The following KLHL13 variants were observed in gnomAD, a reference collection of about 807,000 sequenced individuals.
KLHL13 encodes the protein kelch like family member 13.
Under a neutral mutation model 37.1 loss-of-function variants are expected in KLHL13, and 10 were observed. The observed-to-expected ratio is 0.27, with a 90% CI of 0.17 to 0.46. KLHL13 has a LOEUF of 0.46. Among genes scored for constraint, KLHL13 ranks in the 20% least tolerant of loss-of-function variants. The pLI is 1.00. For missense variants in KLHL13, 360 were observed against 509.3 expected (o/e 0.71, Z 2.82); for synonymous variants, 163 against 181.2 (o/e 0.90, Z 0.81).
At chrX:118,078,547 G>A (rs1317267813) in intron 1 of KLHL13, among the ~76,000 whole-genome samples, 1 of 111,234 alleles carries the variant, frequency 9.0e-6, no homozygotes, top group Non-Finnish European at 1.9e-5. Flanking sequence ...TAGTTGATTA[G>A]CATTAACGCC....
intron 1 of KLHL13, chrX:117,947,331 A>T (rs903312572): frequency 8.9e-5 from 10 of 112,050 alleles, no homozygotes; most frequent in Non-Finnish European, 1.9e-4. Flanking sequence ...AGCACGAAAG[A>T]CTTAATATAT....
At chrX:117,973,557 T>C (rs2053558285) in exon 1 of KLHL13, 1 of 889,001 alleles carries the variant, frequency 1.1e-6, no homozygotes, top group Non-Finnish European at 1.4e-6. Flanking sequence ...GTAAGAAGAA[T>C]ATAAACTGCT....
chrX:117,979,303 G>C (rs1272974305), intron 1 of KLHL13, among the ~76,000 whole-genome samples: 1 of 111,689 alleles, frequency 9.0e-6, no homozygotes. Flanking sequence ...TTTTTAAATT[G>C]TTTGGTAAGA....
chrX:118,031,821 C>G (rs2054353122), intron 1 of KLHL13, among the ~76,000 whole-genome samples: 1 of 108,176 alleles, frequency 9.2e-6, no homozygotes, highest in Non-Finnish European at 1.9e-5. Flanking sequence ...GCATTTCCAT[C>G]TGAGGTACCG....
upstream of KLHL13, among the ~76,000 whole-genome samples, chrX:117,978,383 A>C (rs2053617822): frequency 9.0e-6 from 1 of 111,721 alleles, no homozygotes; most frequent in Admixed American, 9.5e-5. Flanking sequence ...TTGGGCAGAG[A>C]AAAAACAGCA....
intron 1 of KLHL13, among the ~76,000 whole-genome samples, chrX:118,062,379 T>C (rs2054751799): frequency 9.0e-6 from 1 of 110,910 alleles, no homozygotes. Context: ...TTATTTATTC[T>C]AACATTTTTA....
Position 117,919,734 on chromosome X carries a change from T to C in KLHL13, c.374-17A>G, listed in dbSNP as rs371109643. 177 of 1,109,825 alleles carry C rather than the reference T, an allele frequency of 1.6e-4. No homozygotes were observed. In the African/African-American group the frequency reaches 2.7e-3, roughly 17 times the overall value. The allele number at this position is 1,109,825 out of a possible 1,213,427, so 91.5% of individuals were successfully genotyped here. ...TCATTCCACCTTAAATAAAAAGACATTCAATTAAATGAAGGTGGATAATTA... is the reference window on the plus strand; with the variant it reads ...TCATTCCACCTTAAATAAAAAGACACTCAATTAAATGAAGGTGGATAATTA... On this transcript the variant is annotated splice_polypyrimidine_tract_variant and intron_variant, in intron 3 of 6. Coordinates refer to ENST00000262820, the Ensembl canonical transcript of KLHL13.
rs747948925 is a variant in KLHL13 at position 118,096,781 on chromosome X, A to G, written c.-56+19727T>C. Among the ~76,000 whole-genome samples the G allele has an allele frequency of 2.9e-3, 325 of 112,039 alleles. 4 individuals are homozygous for G. The highest frequency in any genetic ancestry group is 0.01 in the African/African-American group (310 of 30,855). ...ATGCAAGGCTGGTTCAATATACGCAAATCAATAAACGTAATCCAGCATATA... is the reference window on the plus strand; with the variant it reads ...ATGCAAGGCTGGTTCAATATACGCAGATCAATAAACGTAATCCAGCATATA... On this transcript the variant is annotated intron_variant, in intron 1 of 6. Transcript: ENST00000371882.
intron 1 of KLHL13, chrX:117,985,181 G>C (rs1277451031): frequency 4.7e-6 from 4 of 845,403 alleles, no homozygotes; most frequent in Admixed American, 3.0e-5. Flanking sequence ...GAAATAACAG[G>C]CTTGCTATTT....
At chrX:117,990,010 C>T (rs1471834453) in intron 1 of KLHL13, among the ~76,000 whole-genome samples, 1 of 111,210 alleles carries the variant, frequency 9.0e-6, no homozygotes, top group Non-Finnish European at 1.9e-5. Flanking sequence ...TTATAGGAGG[C>T]GATTTTGGTG....
intron 1 of KLHL13, among the ~76,000 whole-genome samples, chrX:118,011,449 G>C (rs1259717172): frequency 9.2e-6 from 1 of 108,733 alleles, no homozygotes; most frequent in East Asian, 2.9e-4. Context: ...AAACTGTCAG[G>C]GGAGAAGGGG....
At chrX:118,062,094 T>C (rs2054748875) in intron 1 of KLHL13, among the ~76,000 whole-genome samples, 1 of 111,231 alleles carries the variant, frequency 9.0e-6, no homozygotes, top group African/African-American at 3.3e-5. Context: ...TCAAGGTCTT[T>C]TGAGGCACCA....
chrX:118,008,409 C>T (rs1370184414), intron 1 of KLHL13, among the ~76,000 whole-genome samples: 1 of 111,665 alleles, frequency 9.0e-6, no homozygotes, highest in Non-Finnish European at 1.9e-5. Flanking sequence ...CCATAGGTGG[C>T]TATTACAATG....
intron 1 of KLHL13, among the ~76,000 whole-genome samples, chrX:117,950,586 G>C (rs1056721603): frequency 8.9e-6 from 1 of 111,950 alleles, no homozygotes; most frequent in African/African-American, 3.2e-5. Flanking sequence ...CAGTGGGTTG[G>C]TATACAGGAA....
intron 1 of KLHL13, among the ~76,000 whole-genome samples, chrX:117,952,030 C>A (rs759024972): frequency 1.7e-4 from 19 of 111,602 alleles, no homozygotes; most frequent in Admixed American, 1.6e-3. Context: ...CAATGACTTT[C>A]TTCACAGAAT....
chrX:118,013,718 C>A (rs1301627589), intron 1 of KLHL13, among the ~76,000 whole-genome samples: 1 of 112,373 alleles, frequency 8.9e-6, no homozygotes, highest in Non-Finnish European at 1.9e-5. Context: ...GGCACTACTA[C>A]AACTAATACC....
In KLHL13 at chrX:117,940,306, T is replaced by C. The variant is rs745333045; in HGVS notation, c.240+5128A>G. ...GTTCTGTTCCATTTGTCTATATATC[T>C]GTTTTGGTACCAGTACCATGCTGTT... is the stretch of plus-strand genomic sequence containing the variant. On this transcript the variant is annotated intron_variant, in intron 2 of 6. Coordinates refer to ENST00000262820, the Ensembl canonical transcript of KLHL13. 5.4e-5 allele frequency among the ~76,000 whole-genome samples: 6 copies of C among 111,858 alleles called. No homozygotes were observed. In the East Asian group the frequency reaches 1.4e-3, roughly 26 times the overall value.
At chrX:117,909,649 T>C (rs1159554563) in exon 5 of KLHL13, 1 of 1,211,317 alleles carries the variant, frequency 8.3e-7, no homozygotes, top group African/African-American at 1.7e-5. Context: ...ACCAAGTGAG[T>C]GGTGTCAGAC....
chrX:118,056,982 C>T (rs1393956083), intron 1 of KLHL13, among the ~76,000 whole-genome samples: 5 of 111,971 alleles, frequency 4.5e-5, no homozygotes, highest in Non-Finnish European at 9.4e-5. Flanking sequence ...TATTTATTCC[C>T]CTGTCAAAAC....
Sources: gnomAD v4.1 joint callset for allele counts (sites outside exome capture counted in the v4.1 genomes callset) on GRCh38, gnomAD v4.1.1 for gene constraint, MANE v1.5 for transcripts, NCBI Gene and HGNC (gene_info 2026-07-23, HGNC 2026-07-21) for gene names.